The following VWF variants were observed in gnomAD, a reference collection of about 807,000 sequenced individuals.
VWF encodes von Willebrand factor, also known as Factor VIII related antigen.
In VWF, 176 loss-of-function variants were observed where a neutral mutation model predicts 308.6. The ratio of observed to expected loss-of-function variants is 0.57; its 90% CI spans 0.50 to 0.65. The LOEUF is 0.65. Ranked by LOEUF, VWF falls within the 30% of genes least tolerant of loss-of-function variation. The probability of loss-of-function intolerance (pLI) is 0.00; values close to 1 mark genes in which losing one functional copy is unlikely to be tolerated. For synonymous variants in VWF, 1,385 were observed against 1,443.4 expected (o/e 0.96, Z 0.92); for missense variants, 3,146 against 3,648.2 (o/e 0.86, Z 3.55).
intron 47 of VWF, among the ~76,000 whole-genome samples, chr12:5,961,349 T>C (rs777675700): frequency 1.3e-5 from 2 of 152,226 alleles, no homozygotes; most frequent in South Asian, 2.1e-4. Flanking sequence ...GCCAAAAAGG[T>C]TGGGCACTGC....
chr12:5,981,874 T>C lies in VWF; in HGVS notation c.7199A>G (p.Asn2400Ser), dbSNP rs750888785. The part of the protein sequence containing the change: ...DEYECACNCV[N>S]STVSCPLGYL... ...CCCAAGGGGACAGCTCACTGTGGAG[T>C]TGACACAGTTGCAGGCACACTCATA... Residue 2400 changes from asparagine (N) to serine (S), a missense_variant, in exon 42 of 52, where the codon AAC becomes AGC. By Grantham distance (46) the Asn-to-Ser change is conservative. Around this residue, in one of 3 missense-constraint regions of VWF, gnomAD observed 989 missense variants for 1,117.4 expected, o/e 0.89. Transcript: ENST00000261405. The C allele has an allele frequency of 6.2e-7, 1 of 1,613,390 alleles. No individual in the cohort carries two copies. Among genetic ancestry groups the C allele is most frequent in the Non-Finnish European group, 8.5e-7 (1 of 1,179,896 alleles).
intron 34 of VWF, 99 bp from the exon 35 acceptor site, chr12:5,996,321 TAC>T: frequency 9.1e-7 from 1 of 1,099,914 alleles, no homozygotes; most frequent in Non-Finnish European, 1.4e-6. Flanking sequence ...CACAGATAAA[TAC>T]AGTAGAGAAT....
In VWF at chr12:6,046,627, C is replaced by T. The variant is rs1944448876; in HGVS notation, c.2281+96G>A. 8 of 1,239,550 alleles carry T rather than the reference C, an allele frequency of 6.5e-6. No individual in the cohort carries two copies. Among genetic ancestry groups the T allele is most frequent in the South Asian group, 6.0e-5 (5 of 83,028 alleles). The allele number at this position is 1,239,550 out of a possible 1,614,324, so 76.8% of individuals were successfully genotyped here. Reference sequence around the variant, plus strand: ...AGACCCATGCCTGGGTGCACACGCACATCTGACGGTGTCACCCAGCTCTCT... The same window carrying T: ...AGACCCATGCCTGGGTGCACACGCATATCTGACGGTGTCACCCAGCTCTCT... On this transcript the variant is annotated intron_variant, in intron 17 of 51. Coordinates refer to ENST00000261405, the MANE Select transcript of VWF (RefSeq NM_000552.5). This position sits in a 1 kb window ranked among gnomAD's most constrained non-coding sequence, Gnocchi z 5.0.
intron 34 of VWF, among the ~76,000 whole-genome samples, chr12:5,997,964 A>G (rs1010470970): frequency 2.0e-5 from 3 of 152,220 alleles, no homozygotes; most frequent in Non-Finnish European, 4.4e-5. Flanking sequence ...AGTAAAGTAT[A>G]TCACTCATAA....
chr12:5,991,583 T>TTA (rs1943743697), intron 38 of VWF, among the ~76,000 whole-genome samples: 1 of 152,212 alleles, frequency 6.6e-6, no homozygotes, highest in Admixed American at 6.5e-5. Flanking sequence ...AATAATAATG[T>TTA]GGTAACAACA....
rs1282710917 is a variant in VWF, at chr12:6,016,641, T to C, written c.5186A>G (p.Gln1729Arg). 1.9e-6 allele frequency: 3 copies of C among 1,614,046 alleles called. No homozygotes were observed. The highest frequency in any genetic ancestry group is 2.5e-6 in the Non-Finnish European group (3 of 1,180,046). The change falls in exon 30 of 52, where the codon CAG becomes CGG. Residue 1729 changes from glutamine (Q) to arginine (R), a missense_variant. Physicochemically the swap from Gln to Arg is conservative, Grantham distance 43. Coordinates refer to ENST00000261405, the MANE Select transcript of VWF (RefSeq NM_000552.5). ...GCTTCCATACTGCAGCACTGACACCTGAGTGAGACGAGGCCCTAAACGGAA... is the reference window on the plus strand; with the variant it reads ...GCTTCCATACTGCAGCACTGACACCCGAGTGAGACGAGGCCCTAAACGGAA... ...SKANIGPRLT[Q>R]VSVLQYGSIT... is the part of the protein sequence containing the mutation.
intron 34 of VWF, among the ~76,000 whole-genome samples, chr12:6,001,956 A>AT (rs1394148175): frequency 6.6e-6 from 1 of 152,098 alleles, no homozygotes; most frequent in Non-Finnish European, 1.5e-5. Context: ...ACACTTGGAA[A>AT]TTTTTTTAAT....
intron 27 of VWF, 189 bp downstream of exon 27, chr12:6,021,711 A>T: frequency 1.4e-6 from 1 of 724,774 alleles, no homozygotes; most frequent in Non-Finnish European, 2.2e-6. Flanking sequence ...AAAGAAAAAG[A>T]AGCAAACCCT....
chr12:6,122,863 T>A (rs1565397676), intron 2 of VWF: 2 of 720,734 alleles, frequency 2.8e-6, no homozygotes, highest in Admixed American at 3.5e-5. Context: ...AAGTCTTGGA[T>A]TCCTTCCTCC....
At chr12:5,983,420 T>C (rs1462253613) in intron 40 of VWF, among the ~76,000 whole-genome samples, 166 bp from the exon 41 acceptor site, 1 of 151,874 alleles carries the variant, frequency 6.6e-6, no homozygotes, top group Non-Finnish European at 1.5e-5. Flanking sequence ...GATAGATAGA[T>C]AGATAGATAG....
chr12:5,960,155 A>C (rs1291035722), intron 47 of VWF, among the ~76,000 whole-genome samples: 1 of 150,616 alleles, frequency 6.6e-6, no homozygotes, highest in Non-Finnish European at 1.5e-5. Context: ...AAAGAAACAA[A>C]TTATCAATAT....
In VWF at chr12:6,024,004, G is replaced by T. The variant is rs1944163488; in HGVS notation, c.3223-217C>A. 6.6e-6 allele frequency among the ~76,000 whole-genome samples: 1 copy of T among 152,248 alleles called. No individual in the cohort carries two copies. The highest frequency in any genetic ancestry group is 6.5e-5 in the Admixed American group (1 of 15,282). On this transcript the variant is annotated intron_variant, in intron 24 of 51. Transcript: ENST00000261405. The surrounding 1 kb of genome is among the most constrained non-coding windows in gnomAD (Gnocchi z 4.0). ...AGCAAGAAGAGTTGAATAATGCAGT[G>T]CTGCTGGCCTTCTGCAGAACACAAT...
At chr12:6,027,843 GACACATACAC>G (rs1944211946) in intron 22 of VWF, among the ~76,000 whole-genome samples, 1 of 64,240 alleles carries the variant, frequency 1.6e-5, no homozygotes, top group Non-Finnish European at 2.8e-5. Context: ...ATACATGGAA[GACACATACAC>G]ACACACACAC....
intron 16 of VWF, among the ~76,000 whole-genome samples, chr12:6,049,397 A>G (rs1439995128): frequency 6.6e-6 from 1 of 152,056 alleles, no homozygotes; most frequent in Non-Finnish European, 1.5e-5. Flanking sequence ...TCACTCCCCA[A>G]CCCTGTTCAC....
intron 2 of VWF, among the ~76,000 whole-genome samples, chr12:6,121,973 G>A (rs1435043708): frequency 6.6e-6 from 1 of 151,936 alleles, no homozygotes; most frequent in East Asian, 1.9e-4. Context: ...AGACAAAGAA[G>A]TTAAAACCAT....
At chr12:6,113,203 A>T (rs1945329073) in intron 3 of VWF, among the ~76,000 whole-genome samples, 1 of 152,170 alleles carries the variant, frequency 6.6e-6, no homozygotes, top group South Asian at 2.1e-4. Context: ...CAGTTTTTAC[A>T]GCAAGCAAAC....
At chr12:5,982,921 G>C (rs1943623940) in intron 41 of VWF, among the ~76,000 whole-genome samples, 1 of 152,180 alleles carries the variant, frequency 6.6e-6, no homozygotes, top group African/African-American at 2.4e-5. Context: ...CCAAGACGGA[G>C]GTGCCTGTGG....
chr12:5,963,498 C>T (rs1373359723), intron 47 of VWF, among the ~76,000 whole-genome samples: 2 of 152,114 alleles, frequency 1.3e-5, no homozygotes, highest in Non-Finnish European at 2.9e-5. Flanking sequence ...CAATACCAAG[C>T]ATTGGTGAGG....
rs61749400 is a variant in VWF at position 6,019,408 on chromosome 12, G to T, written c.4010C>A (p.Pro1337Gln). ...GCTGGCAATGCGCCGCAGCTCTGACGGTCGCTTCCGGTCCTTGAGCCCGAT... is the reference window on the plus strand; with the variant it reads ...GCTGGCAATGCGCCGCAGCTCTGACTGTCGCTTCCGGTCCTTGAGCCCGAT... ...AYIGLKDRKR[P>Q]SELRRIASQV... Residue 1337 changes from proline to glutamine, a missense_variant, in exon 28 of 52, where the codon CCG (proline) becomes CAG (glutamine). Pro to Gln is a moderately conservative substitution (Grantham distance 76). Transcript: ENST00000261405. This position sits in a 1 kb window ranked among gnomAD's most constrained non-coding sequence, Gnocchi z 5.8. 1 of 1,613,930 alleles carries T rather than the reference G, an allele frequency of 6.2e-7. No individual in the cohort carries two copies. The highest frequency in any genetic ancestry group is 2.2e-5 in the East Asian group (1 of 44,872).
Sources: allele counts gnomAD v4.1 joint callset (sites outside exome capture counted in the v4.1 genomes callset), GRCh38; gene constraint gnomAD v4.1.1; regional missense constraint gnomAD v4.1.1; non-coding constraint Gnocchi (gnomAD v3.1); transcripts MANE v1.5; gene names NCBI Gene and HGNC (gene_info 2026-07-23, HGNC 2026-07-21).